The following PAM variants were observed in gnomAD, a reference collection of about 807,000 sequenced individuals.
The protein encoded by PAM is peptidylglycine alpha-amidating monooxygenase, also known as peptidyl-glycine alpha-amidating monooxygenase.
In PAM, 72 loss-of-function variants were observed where a neutral mutation model predicts 122.1. The ratio of observed to expected loss-of-function variants is 0.59; its 90% CI spans 0.49 to 0.72. The LOEUF is 0.72. Among genes scored for constraint, PAM ranks in the 30% least tolerant of loss-of-function variants. The pLI, the probability that PAM is intolerant of heterozygous loss-of-function variation, is 0.00. For synonymous variants in PAM, 389 were observed against 404.4 expected (o/e 0.96, Z 0.46); for missense variants, 1,106 against 1,183.7 (o/e 0.93, Z 0.96).
At chr5:102,781,435 T>G (rs1758911961) in intron 1 of PAM, among the ~76,000 whole-genome samples, 1 of 152,206 alleles carries the variant, frequency 6.6e-6, no homozygotes, top group East Asian at 1.9e-4. Context: ...GAATTTTAGT[T>G]TTGTAAGAAG....
intron 14 of PAM, among the ~76,000 whole-genome samples, chr5:102,964,294 C>A (rs1159550394): frequency 6.6e-6 from 1 of 151,922 alleles, no homozygotes; most frequent in African/African-American, 2.4e-5. Context: ...TAGAAATTAA[C>A]TAGATGTCTT....
chr5:102,973,565 G>A (rs1388906494), intron 14 of PAM, among the ~76,000 whole-genome samples: 1 of 152,082 alleles, frequency 6.6e-6, no homozygotes, highest in Non-Finnish European at 1.5e-5. Context: ...AACAACTAGA[G>A]CTTACAGTAG....
chr5:102,941,833 C>CAAAAAAAAAAAAAAAAA (rs70990420), intron 7 of PAM, among the ~76,000 whole-genome samples: 1 of 58,376 alleles, frequency 1.7e-5, no homozygotes, highest in African/African-American at 6.2e-5. Context: ...CCAGATGGTA[C>CAAAAAAAAAAAAAAAAA]AAAAAAAAAA....
At position 102,913,938 on chromosome 5, in the gene PAM, C is replaced by T. The variant is rs1285049365; in HGVS notation, c.273C>T (p.Asp91=). 2 of 1,593,540 alleles carry T rather than the reference C, an allele frequency of 1.3e-6. No individual in the cohort carries two copies. The highest frequency in any genetic ancestry group is 2.2e-5 in the East Asian group (1 of 44,728). ...IPVDEEAFVI[D]FKPRASMDTV... ...TGTATTATTTTCTCGTAACAGTTGA[C>T]TTCAAGCCTCGAGCCAGCATGGATA... Residue 91 remains aspartate, a synonymous_variant, in exon 5 of 26, where the codon GAC becomes GAT. Transcript: ENST00000438793.
intron 1 of PAM, among the ~76,000 whole-genome samples, chr5:102,814,428 G>T (rs1161088628): frequency 1.3e-5 from 2 of 151,816 alleles, no homozygotes; most frequent in Non-Finnish European, 2.9e-5. Context: ...GGGTGATGGT[G>T]CACTAAGTAC....
intron 17 of PAM, among the ~76,000 whole-genome samples, chr5:103,003,641 CTT>C (rs888803415): frequency 6.6e-6 from 1 of 152,010 alleles, no homozygotes; most frequent in Non-Finnish European, 1.5e-5. Flanking sequence ...GGCTAATAAT[CTT>C]AAGTTCCCAG....
At chr5:102,879,994 T>C (rs1412408636) in intron 3 of PAM, among the ~76,000 whole-genome samples, 1 of 152,186 alleles carries the variant, frequency 6.6e-6, no homozygotes, top group African/African-American at 2.4e-5. Context: ...AAGTGGCCTA[T>C]GACTGGCTGG....
At chr5:102,801,483 C>T (rs1449486510) in intron 1 of PAM, among the ~76,000 whole-genome samples, 3 of 152,180 alleles carry the variant, frequency 2.0e-5, no homozygotes, top group Admixed American at 6.5e-5. Flanking sequence ...CAGAAGGAAT[C>T]GTAGCACTGT....
At chr5:102,775,918 T>G (rs1757048285) in intron 1 of PAM, among the ~76,000 whole-genome samples, 1 of 152,202 alleles carries the variant, frequency 6.6e-6, no homozygotes, top group Admixed American at 6.5e-5. Context: ...ATTGCCAAAC[T>G]GTCTTCCACA....
At chr5:102,784,850 A>C (rs554266710) in intron 1 of PAM, among the ~76,000 whole-genome samples, 13 of 152,348 alleles carry the variant, frequency 8.5e-5, no homozygotes, top group African/African-American at 2.6e-4. Flanking sequence ...TTTTAGGCAA[A>C]GCAAGTGCAT....
intron 12 of PAM, among the ~76,000 whole-genome samples, chr5:102,952,376 G>A (rs928023527): frequency 6.6e-6 from 1 of 152,028 alleles, no homozygotes; most frequent in Non-Finnish European, 1.5e-5. Flanking sequence ...AATAATTCTT[G>A]TCTTTTTTAA....
chr5:103,029,157 T>G lies in PAM; in HGVS notation c.*92T>G. 2 of 1,015,156 alleles carry G rather than the reference T, an allele frequency of 2.0e-6. No homozygotes were observed. The highest frequency in any genetic ancestry group is 2.4e-4 in the Middle Eastern group (1 of 4,136). 62.9% of individuals were successfully genotyped at this position (1,015,156 alleles called of 1,614,324 possible). ...GTTTAAAGTTCTGTGTATTTAATTG[T>G]AAACTGTACTAGTCTGTGTGGGACT... On this transcript the variant is annotated 3_prime_UTR_variant, in exon 26 of 26. Coordinates refer to ENST00000438793, the MANE Select transcript of PAM (RefSeq NM_001177306.2).
At chr5:102,995,921 A>C (rs570159202) in intron 16 of PAM, among the ~76,000 whole-genome samples, 19 of 151,818 alleles carry the variant, frequency 1.3e-4, no homozygotes, top group Non-Finnish European at 2.2e-4. Context: ...TTGAGGTTAC[A>C]TTTTCACTTA....
At chr5:102,787,806 T>C (rs1218740834) in intron 1 of PAM, among the ~76,000 whole-genome samples, 1 of 151,998 alleles carries the variant, frequency 6.6e-6, no homozygotes, top group Non-Finnish European at 1.5e-5. Context: ...AAATGTTGGG[T>C]ATTTCCAGTA....
chr5:102,991,342 A>C (rs1379936105), intron 16 of PAM, among the ~76,000 whole-genome samples: 1 of 152,194 alleles, frequency 6.6e-6, no homozygotes, highest in Non-Finnish European at 1.5e-5. Context: ...AGCTTATTTT[A>C]ATTCTTTTAA....
At chr5:102,909,308 A>G (rs1800673771) in intron 4 of PAM, among the ~76,000 whole-genome samples, 1 of 151,878 alleles carries the variant, frequency 6.6e-6, no homozygotes, top group Non-Finnish European at 1.5e-5. Flanking sequence ...GATATAATAC[A>G]GAGTTCCTTC....
chr5:102,860,216 C>A (rs1379099591), intron 1 of PAM, among the ~76,000 whole-genome samples: 1 of 151,840 alleles, frequency 6.6e-6, no homozygotes, highest in Non-Finnish European at 1.5e-5. Context: ...AAGGAGGCAT[C>A]CGTGTGATGG....
intron 4 of PAM, among the ~76,000 whole-genome samples, chr5:102,907,493 G>A (rs1799932696): frequency 6.6e-6 from 1 of 151,158 alleles, no homozygotes; most frequent in South Asian, 2.1e-4. Flanking sequence ...ACCCAGTAAT[G>A]GGATGGCTGG....
intron 1 of PAM, among the ~76,000 whole-genome samples, chr5:102,820,853 A>AT (rs1561536025): frequency 6.6e-6 from 1 of 152,212 alleles, no homozygotes; most frequent in African/African-American, 2.4e-5. Flanking sequence ...AAGGAATTAA[A>AT]TTTAAAAACA....
Sources: gnomAD v4.1 joint callset for allele counts (sites outside exome capture counted in the v4.1 genomes callset) on GRCh38, gnomAD v4.1.1 for gene constraint, MANE v1.5 for transcripts, NCBI Gene and HGNC (gene_info 2026-07-23, HGNC 2026-07-21) for gene names.